The following KDM4C variants were observed in gnomAD, a reference collection of about 807,000 sequenced individuals.
The protein encoded by KDM4C is lysine demethylase 4C.
In KDM4C, 81 loss-of-function variants were observed where a neutral mutation model predicts 129.3. The observed-to-expected ratio is 0.63, with a 90% CI of 0.52 to 0.75. The LOEUF is 0.75. Among genes scored for constraint, KDM4C ranks in the 30% least tolerant of loss-of-function variants. The pLI is 0.00. For missense variants in KDM4C, 1,457 were observed against 1,304.0 expected (o/e 1.12, Z -1.81); for synonymous variants, 573 against 456.1 (o/e 1.26, Z -3.26).
chr9:7,057,310 C>T (rs990990813), intron 17 of KDM4C, among the ~76,000 whole-genome samples: 5 of 152,220 alleles, frequency 3.3e-5, no homozygotes, highest in African/African-American at 9.6e-5. Context: ...GACACAGATA[C>T]TAGGACTGTT....
chr9:7,134,252 T>C (rs887163557), intron 19 of KDM4C, among the ~76,000 whole-genome samples: 1 of 152,258 alleles, frequency 6.6e-6, no homozygotes, highest in African/African-American at 2.4e-5. Context: ...GATGAAAGGC[T>C]TCACCAAATT....
At chr9:7,072,401 C>G (rs887720636) in intron 17 of KDM4C, among the ~76,000 whole-genome samples, 1 of 152,138 alleles carries the variant, frequency 6.6e-6, no homozygotes, top group Non-Finnish European at 1.5e-5. Flanking sequence ...AATGAATTCT[C>G]AAAACATGGT....
chr9:7,126,256 A>G (rs1001935830), intron 18 of KDM4C, among the ~76,000 whole-genome samples: 6 of 152,174 alleles, frequency 3.9e-5, no homozygotes, highest in Admixed American at 2.6e-4. Context: ...ATTCATGCCC[A>G]TATTCTTAGG....
At chr9:6,767,074 A>C (rs1820771980) in intron 1 of KDM4C, among the ~76,000 whole-genome samples, 1 of 152,040 alleles carries the variant, frequency 6.6e-6, no homozygotes, top group Non-Finnish European at 1.5e-5. Flanking sequence ...GGGTGAACTG[A>C]AGTGTTTTTT....
At chr9:6,994,976 G>C (rs1385061013) in intron 12 of KDM4C, among the ~76,000 whole-genome samples, 2 of 152,042 alleles carry the variant, frequency 1.3e-5, no homozygotes, top group Non-Finnish European at 2.9e-5. Context: ...ACATTACGTT[G>C]GGTCAGTAAG....
At chr9:6,912,214 C>T (rs577732126) in intron 8 of KDM4C, among the ~76,000 whole-genome samples, 171 of 152,178 alleles carry the variant, frequency 1.1e-3, no homozygotes, top group Non-Finnish European at 2.2e-3. Context: ...CTATGCTTCT[C>T]TGCATTCTCC....
In KDM4C at chr9:6,821,692, G is replaced by T. The variant is rs189763007; in HGVS notation, c.435+6947G>T. Reference sequence around the variant, plus strand: ...GATGGAGTATGCTCTGTCATACAGGGTGGAGTGCAGTGGCGCGGTCTCAAC... The same window carrying T: ...GATGGAGTATGCTCTGTCATACAGGTTGGAGTGCAGTGGCGCGGTCTCAAC... On this transcript the variant is annotated intron_variant, in intron 4 of 21. Coordinates refer to ENST00000381309, the MANE Select transcript of KDM4C (RefSeq NM_015061.6). Among the ~76,000 whole-genome samples, 480 of 151,940 alleles carry T rather than the reference G, an allele frequency of 3.2e-3. 3 individuals carry two copies. The highest frequency in any genetic ancestry group is 4.7e-3 in the Non-Finnish European group (321 of 67,958).
upstream of KDM4C, among the ~76,000 whole-genome samples, chr9:6,754,545 C>T (rs982732829): frequency 6.6e-6 from 1 of 152,090 alleles, no homozygotes; most frequent in African/African-American, 2.4e-5. Flanking sequence ...GTGTAGTGTA[C>T]TTCAACAGAT....
At chr9:6,936,693 A>G (rs1460898792) in intron 8 of KDM4C, among the ~76,000 whole-genome samples, 1 of 152,194 alleles carries the variant, frequency 6.6e-6, no homozygotes, top group Non-Finnish European at 1.5e-5. Flanking sequence ...TTCCTGTGAA[A>G]ACAATATTTT....
intron 4 of KDM4C, among the ~76,000 whole-genome samples, chr9:6,847,626 A>G (rs1276246370): frequency 2.0e-5 from 3 of 152,084 alleles, no homozygotes; most frequent in Non-Finnish European, 4.4e-5. Context: ...TCCTGACCTC[A>G]TGATCCACCC....
chr9:6,728,490 C>T (rs1195101263), intron 1 of KDM4C, among the ~76,000 whole-genome samples: 6 of 150,112 alleles, frequency 4.0e-5, no homozygotes, highest in Non-Finnish European at 5.9e-5. Flanking sequence ...ACTGAGATCA[C>T]GCCACTGCAC....
intron 5 of KDM4C, among the ~76,000 whole-genome samples, chr9:6,866,239 C>T (rs949921888): frequency 4.6e-5 from 7 of 151,894 alleles, no homozygotes; most frequent in African/African-American, 1.5e-4. Flanking sequence ...TTATAATTTA[C>T]CTTGGATTTA....
chr9:6,916,429 A>C (rs1820327565), intron 8 of KDM4C, among the ~76,000 whole-genome samples: 1 of 151,752 alleles, frequency 6.6e-6, no homozygotes, highest in African/African-American at 2.4e-5. Context: ...CCTTCCGAGC[A>C]GCTGGGACTT....
intron 17 of KDM4C, among the ~76,000 whole-genome samples, chr9:7,062,419 G>A (rs1831826037): frequency 6.7e-6 from 1 of 148,846 alleles, no homozygotes; most frequent in South Asian, 2.1e-4. Context: ...ACAGGGCCTT[G>A]CTCTGTTGCC....
intron 20 of KDM4C, among the ~76,000 whole-genome samples, chr9:7,167,940 G>C (rs1286027322): frequency 6.6e-6 from 1 of 152,212 alleles, no homozygotes; most frequent in East Asian, 1.9e-4. Flanking sequence ...CCAGCACTTT[G>C]GAAGGCCGAG....
At chr9:7,140,161 C>G (rs1361049118) in intron 19 of KDM4C, among the ~76,000 whole-genome samples, 1 of 152,074 alleles carries the variant, frequency 6.6e-6, no homozygotes, top group Non-Finnish European at 1.5e-5. Flanking sequence ...CCAGCTGTGA[C>G]CAATTATTAG....
At chr9:6,825,326 C>G (rs978579879) in intron 4 of KDM4C, among the ~76,000 whole-genome samples, 3 of 152,200 alleles carry the variant, frequency 2.0e-5, no homozygotes, top group African/African-American at 7.2e-5. Flanking sequence ...CACAGACCCT[C>G]TGACAAGGTC....
chr9:7,163,048 C>T (rs180893136), intron 19 of KDM4C, among the ~76,000 whole-genome samples: 8 of 152,084 alleles, frequency 5.3e-5, no homozygotes, highest in Admixed American at 1.3e-4. Context: ...AGTGATGGGC[C>T]GTGCAGGAAA....
chr9:7,174,850 T>C lies in KDM4C; in HGVS notation c.*121T>C. On this transcript the variant is annotated 3_prime_UTR_variant, in exon 22 of 22. Transcript: ENST00000381309. ...AGGTGACAGGGTGTGTCTCTGACAG[T>C]GGTAAATCGGGTTTCCAGAGTTTGG... The C allele has an allele frequency of 5.0e-6, 4 of 794,814 alleles. No homozygotes were observed. Among genetic ancestry groups the C allele is most frequent in the Non-Finnish European group, 8.0e-6 (4 of 499,350 alleles). 49.2% of individuals were successfully genotyped at this position (794,814 alleles called of 1,614,324 possible).
Sources: gnomAD v4.1 joint callset for allele counts (sites outside exome capture counted in the v4.1 genomes callset) on GRCh38, gnomAD v4.1.1 for gene constraint, MANE v1.5 for transcripts, NCBI Gene and HGNC (gene_info 2026-07-23, HGNC 2026-07-21) for gene names.